Variants in LNX1 observed in about 807,000 individuals in gnomAD.
The protein encoded by LNX1 is ligand of numb-protein X 1.
Under a neutral mutation model 68.4 loss-of-function variants are expected in LNX1, and 54 were observed. The observed-to-expected ratio is 0.79, with a 90% CI of 0.63 to 0.99. The LOEUF (loss-of-function observed/expected upper bound fraction) is 0.99, where lower values mean the gene tolerates loss of function less well. Among genes scored for constraint, LNX1 ranks in the 50% least tolerant of loss-of-function variants. The pLI is 0.00. For synonymous variants in LNX1, 336 were observed against 350.0 expected (o/e 0.96, Z 0.45); for missense variants, 906 against 926.4 (o/e 0.98, Z 0.29).
At chr4:53,504,610 G>A (rs1195984130) in intron 4 of LNX1, among the ~76,000 whole-genome samples, 1 of 152,206 alleles carries the variant, frequency 6.6e-6, no homozygotes, top group African/African-American at 2.4e-5. Context: ...TGTTTGGCAC[G>A]AGAGGCCTAG....
intron 2 of LNX1, among the ~76,000 whole-genome samples, chr4:53,544,085 A>C (rs1027719098): frequency 1.3e-5 from 2 of 152,190 alleles, no homozygotes; most frequent in African/African-American, 4.8e-5. Flanking sequence ...CCTAGACACC[A>C]CACCTGCCTA....
intron 2 of LNX1, among the ~76,000 whole-genome samples, chr4:53,610,565 G>A (rs1733437444): frequency 6.6e-6 from 1 of 151,734 alleles, no homozygotes; most frequent in South Asian, 2.1e-4. Flanking sequence ...AAAATTAGCC[G>A]GGCGTGGTGG....
intron 2 of LNX1, among the ~76,000 whole-genome samples, chr4:53,536,957 G>A (rs978551618): frequency 6.6e-6 from 1 of 152,150 alleles, no homozygotes; most frequent in African/African-American, 2.4e-5. Flanking sequence ...AAATATCTCT[G>A]ACTTGGTGTT....
intron 2 of LNX1, among the ~76,000 whole-genome samples, chr4:53,612,617 C>T (rs1235983939): frequency 4.0e-5 from 6 of 151,866 alleles, no homozygotes; most frequent in Admixed American, 2.0e-4. Context: ...CCTAGGAGTT[C>T]AAAACTGGCC....
chr4:53,555,437 C>T (rs1729840481), intron 2 of LNX1, among the ~76,000 whole-genome samples: 1 of 152,146 alleles, frequency 6.6e-6, no homozygotes. Context: ...TCAATTTCAC[C>T]AACATGGACA....
chr4:53,635,222 T>C (rs533061791), intron 1 of LNX1, among the ~76,000 whole-genome samples: 2 of 152,250 alleles, frequency 1.3e-5, no homozygotes, highest in African/African-American at 4.8e-5. Flanking sequence ...ATGGGCAGAA[T>C]GATACCATTA....
intron 2 of LNX1, among the ~76,000 whole-genome samples, chr4:53,530,883 G>A (rs1727970711): frequency 6.6e-6 from 1 of 152,132 alleles, no homozygotes; most frequent in South Asian, 2.1e-4. Context: ...GTAAAATGAG[G>A]CCAGGCATAG....
intron 2 of LNX1, among the ~76,000 whole-genome samples, chr4:53,572,845 T>G (rs931498488): frequency 1.6e-4 from 25 of 152,206 alleles, no homozygotes; most frequent in African/African-American, 5.8e-4. Context: ...GCCACAAAGT[T>G]AGCAGAACAA....
At chr4:53,548,226 C>T (rs1274117449) in intron 2 of LNX1, among the ~76,000 whole-genome samples, 1 of 152,166 alleles carries the variant, frequency 6.6e-6, no homozygotes, top group African/African-American at 2.4e-5. Context: ...TTTCCTGCCC[C>T]ATTCCTTCCA....
intron 9 of LNX1, among the ~76,000 whole-genome samples, chr4:53,463,266 G>C (rs2150554226): frequency 6.6e-6 from 1 of 152,162 alleles, no homozygotes; most frequent in Admixed American, 6.5e-5. Context: ...TAACTGCTTT[G>C]ATCATCTTTC....
intron 6 of LNX1, among the ~76,000 whole-genome samples, chr4:53,482,297 T>C (rs1723967068): frequency 6.6e-6 from 1 of 152,202 alleles, no homozygotes; most frequent in African/African-American, 2.4e-5. Flanking sequence ...AACTTGCCAC[T>C]GCAGGAAGAG....
chr4:53,545,208 C>A (rs893157638), intron 2 of LNX1, among the ~76,000 whole-genome samples: 1 of 152,204 alleles, frequency 6.6e-6, no homozygotes, highest in Non-Finnish European at 1.5e-5. Context: ...ATGCCTACTT[C>A]AATGGGAAAA....
At chr4:53,576,672 A>G (rs1731510115) in intron 1 of LNX1, among the ~76,000 whole-genome samples, 1 of 152,058 alleles carries the variant, frequency 6.6e-6, no homozygotes, top group Non-Finnish European at 1.5e-5. Context: ...CTCTTCCCTC[A>G]GCCCCAACTC....
intron 2 of LNX1, among the ~76,000 whole-genome samples, chr4:53,521,521 T>C (rs774250939): frequency 1.3e-5 from 2 of 152,156 alleles, no homozygotes; most frequent in Non-Finnish European, 2.9e-5. Flanking sequence ...AAACGTGTCA[T>C]GCAAAGATAG....
chr4:53,501,310 G>GGGGGGC (rs1553932776), intron 4 of LNX1, among the ~76,000 whole-genome samples: 1 of 95,906 alleles, frequency 1.0e-5, no homozygotes, highest in African/African-American at 3.8e-5. Flanking sequence ...GGGGGTGGGG[G>GGGGGGC]GACAGGATCT....
chr4:53,488,491 C>T (rs1724472458), intron 6 of LNX1, among the ~76,000 whole-genome samples: 1 of 152,200 alleles, frequency 6.6e-6, no homozygotes, highest in Admixed American at 6.5e-5. Context: ...TGTGTGTGCA[C>T]ATGCAGAATA....
At chr4:53,572,878 C>T (rs1249851406) in intron 2 of LNX1, among the ~76,000 whole-genome samples, 2 of 152,160 alleles carry the variant, frequency 1.3e-5, no homozygotes, top group Admixed American at 1.3e-4. Flanking sequence ...ACAAAAGTTT[C>T]CTAAATTTCT....
intron 9 of LNX1, among the ~76,000 whole-genome samples, chr4:53,475,523 AAGAG>A (rs907797803): frequency 5.9e-5 from 9 of 152,340 alleles, no homozygotes; most frequent in African/African-American, 1.9e-4. Flanking sequence ...GAAATGTAAA[AAGAG>A]AGAGAGACTT....
intron 2 of LNX1, among the ~76,000 whole-genome samples, chr4:53,542,722 C>T (rs1264624926): frequency 6.6e-6 from 1 of 152,206 alleles, no homozygotes; most frequent in Non-Finnish European, 1.5e-5. Context: ...GAAAATTCAA[C>T]ATTAATTTAC....
Sources: allele counts gnomAD v4.1 joint callset (sites outside exome capture counted in the v4.1 genomes callset), GRCh38; gene constraint gnomAD v4.1.1; transcripts MANE v1.5; gene names NCBI Gene and HGNC (gene_info 2026-07-23, HGNC 2026-07-21).